Variants in ADK observed in about 807,000 individuals in gnomAD.
ADK encodes adenosine kinase, also known as N6,N6-dimethyladenosine kinase.
ADK carries 24 observed loss-of-function variants against 44.7 expected under a neutral mutation model. That is an observed-to-expected ratio of 0.54 (90% CI 0.39 to 0.76). ADK has a LOEUF of 0.76. Ranked by LOEUF, ADK falls within the 30% of genes least tolerant of loss-of-function variation. ADK has a pLI of 0.00. For missense variants in ADK, 321 were observed against 425.1 expected (o/e 0.76, Z 2.15); for synonymous variants, 128 against 142.6 (o/e 0.90, Z 0.73).
intron 6 of ADK, among the ~76,000 whole-genome samples, chr10:74,477,611 TCAATTA>T (rs1846904316): frequency 6.6e-6 from 1 of 152,228 alleles, no homozygotes; most frequent in South Asian, 2.1e-4. Context: ...TACTTAGACC[TCAATTA>T]CATGATTTAT....
intron 6 of ADK, among the ~76,000 whole-genome samples, chr10:74,522,531 C>A (rs186754466): frequency 1.3e-5 from 2 of 152,226 alleles, no homozygotes; most frequent in East Asian, 3.9e-4. Context: ...GGCAATAAAC[C>A]CTTCCTTAAA....
rs141300520 is a variant in ADK at position 74,218,391 on chromosome 10, G to T, written c.141-6147G>T. On this transcript the variant is annotated intron_variant, in intron 2 of 10. Coordinates refer to ENST00000539909, the MANE Select transcript of ADK (RefSeq NM_006721.4). The stretch of plus-strand genomic sequence containing the variant: ...ATGTGAAAAGACCAAATCTACGTCT[G>T]ATTGGTGTACCTGAAAGTGACGGGG... Among the ~76,000 whole-genome samples the T allele has an allele frequency of 1.3e-4, 20 of 152,318 alleles. No homozygotes were observed. In the East Asian group the frequency reaches 3.9e-3, roughly 29 times the overall value.
At chr10:74,600,313 A>G (rs1852069370) in intron 8 of ADK, 66 bp from the exon 9 acceptor site, 6 of 963,478 alleles carry the variant, frequency 6.2e-6, no homozygotes, top group Middle Eastern at 2.1e-4. Context: ...TAAATTGTTA[A>G]TCTACTAATA....
At chr10:74,435,186 T>C (rs1056042347) in intron 6 of ADK, among the ~76,000 whole-genome samples, 1 of 152,208 alleles carries the variant, frequency 6.6e-6, no homozygotes, top group Non-Finnish European at 1.5e-5. Flanking sequence ...AGACTGATAA[T>C]GCAGTGTGGA....
chr10:74,267,754 T>TTGTGTGTGTGTGTGTGTGTGTGTG (rs372502769), intron 3 of ADK, among the ~76,000 whole-genome samples: 5 of 132,732 alleles, frequency 3.8e-5, no homozygotes, highest in Admixed American at 7.9e-5. Flanking sequence ...ATATCCTTAT[T>TTGTGTGTGTGTGTGTGTGTGTGTG]TGTGTGTGTG....
intron 1 of ADK, among the ~76,000 whole-genome samples, chr10:74,182,616 G>T (rs1282012927): frequency 2.0e-5 from 3 of 152,102 alleles, no homozygotes; most frequent in African/African-American, 7.2e-5. Context: ...TGATTCTCCT[G>T]CCTTGGCCTC....
chr10:74,505,150 T>C (rs748175403), intron 6 of ADK, among the ~76,000 whole-genome samples: 1 of 152,170 alleles, frequency 6.6e-6, no homozygotes, highest in Non-Finnish European at 1.5e-5. Flanking sequence ...AGTGTAACTT[T>C]ACAGAAATAC....
At chr10:74,227,607 G>A (rs990583313) in intron 3 of ADK, among the ~76,000 whole-genome samples, 5 of 152,200 alleles carry the variant, frequency 3.3e-5, no homozygotes, top group African/African-American at 1.2e-4. Context: ...ACTTTGGGAG[G>A]CCGAGGTGGG....
intron 9 of ADK, among the ~76,000 whole-genome samples, chr10:74,669,943 C>T (rs1249063210): frequency 6.6e-6 from 1 of 152,128 alleles, no homozygotes; most frequent in Non-Finnish European, 1.5e-5. Flanking sequence ...TGTGAACTAC[C>T]TAGGTATAAC....
intron 3 of ADK, among the ~76,000 whole-genome samples, chr10:74,251,500 T>C (rs566708743): frequency 6.6e-6 from 1 of 152,370 alleles, no homozygotes; most frequent in Non-Finnish European, 1.5e-5. Flanking sequence ...ATTTATTGAT[T>C]ACTTCCTGTG....
At chr10:74,249,499 A>T (rs916468203) in intron 3 of ADK, among the ~76,000 whole-genome samples, 171 of 21,340 alleles carry the variant, frequency 8.0e-3, no homozygotes, top group Non-Finnish European at 0.019. Context: ...ACATGCATAC[A>T]CACACACACA....
intron 3 of ADK, among the ~76,000 whole-genome samples, chr10:74,278,541 T>G (rs913230277): frequency 1.3e-5 from 2 of 152,216 alleles, no homozygotes; most frequent in Non-Finnish European, 2.9e-5. Context: ...TTTGTTATGA[T>G]CCTTTCTTTC....
At chr10:74,544,347 A>G (rs1354993350) in intron 7 of ADK, among the ~76,000 whole-genome samples, 1 of 152,200 alleles carries the variant, frequency 6.6e-6, no homozygotes, top group Non-Finnish European at 1.5e-5. Context: ...TAACAAAGGC[A>G]CTTTTAACAA....
chr10:74,700,462 C>G (rs1424424900), intron 10 of ADK, among the ~76,000 whole-genome samples: 1 of 152,140 alleles, frequency 6.6e-6, no homozygotes, highest in Non-Finnish European at 1.5e-5. Flanking sequence ...AGGCAGGTCT[C>G]AAACTCCCGA....
chr10:74,343,290 A>G (rs1841647594), intron 4 of ADK, among the ~76,000 whole-genome samples: 2 of 152,198 alleles, frequency 1.3e-5, no homozygotes, highest in Non-Finnish European at 1.5e-5. Context: ...AAACTTGTCA[A>G]TTAATAGCCT....
chr10:74,196,232 C>T (rs1843145283), intron 1 of ADK, among the ~76,000 whole-genome samples: 1 of 152,104 alleles, frequency 6.6e-6, no homozygotes, highest in African/African-American at 2.4e-5. Context: ...CATACGTTCT[C>T]CCTTGGGGAA....
chr10:74,312,646 C>T (rs1440427887), intron 3 of ADK, among the ~76,000 whole-genome samples: 4 of 151,254 alleles, frequency 2.6e-5, no homozygotes, highest in Admixed American at 2.6e-4. Context: ...ATGGCTTGCA[C>T]CTGTAATCCT....
intron 4 of ADK, among the ~76,000 whole-genome samples, chr10:74,380,534 G>A (rs780953417): frequency 7.2e-5 from 11 of 151,994 alleles, no homozygotes; most frequent in East Asian, 1.9e-4. Context: ...TGAGACGGGC[G>A]GATCACAAGG....
intron 10 of ADK, 147 bp from the exon 11 acceptor site, chr10:74,708,174 C>T (rs1230888960): frequency 1.0e-5 from 7 of 699,706 alleles, no homozygotes; most frequent in Admixed American, 2.4e-5. Context: ...AAAAAAAGAC[C>T]TCCCTAACGG....
Sources: gnomAD v4.1 joint callset for allele counts (sites outside exome capture counted in the v4.1 genomes callset) on GRCh38, gnomAD v4.1.1 for gene constraint, MANE v1.5 for transcripts, NCBI Gene and HGNC (gene_info 2026-07-23, HGNC 2026-07-21) for gene names.